Variants in CDH13 observed in about 807,000 individuals in gnomAD.
CDH13 encodes cadherin-13.
CDH13 carries 24 observed loss-of-function variants against 63.8 expected under a neutral mutation model. The ratio of observed to expected loss-of-function variants is 0.38; its 90% CI spans 0.27 to 0.53. The LOEUF (loss-of-function observed/expected upper bound fraction) is 0.53, where lower values mean the gene tolerates loss of function less well. CDH13 is among the 20% of genes least tolerant of loss of function. The pLI, the probability that CDH13 is intolerant of heterozygous loss-of-function variation, is 0.85. For synonymous variants in CDH13, 503 were observed against 355.3 expected (o/e 1.42, Z -4.67); for missense variants, 1,049 against 903.1 (o/e 1.16, Z -2.07).
At chr16:83,191,568 T>C (rs2038716308) in intron 4 of CDH13, among the ~76,000 whole-genome samples, 1 of 133,180 alleles carries the variant, frequency 7.5e-6, no homozygotes, top group Non-Finnish European at 1.6e-5. Flanking sequence ...CACACACACA[T>C]ATATATGAAG....
chr16:83,482,873 C>T (rs369927146), intron 6 of CDH13, among the ~76,000 whole-genome samples: 1 of 152,186 alleles, frequency 6.6e-6, no homozygotes. Context: ...GACCCTTTGT[C>T]CCACATTCTT....
intron 5 of CDH13, among the ~76,000 whole-genome samples, chr16:83,323,814 A>C (rs1282182482): frequency 2.0e-5 from 3 of 152,128 alleles, no homozygotes; most frequent in Non-Finnish European, 4.4e-5. Flanking sequence ...GTTCCTCTTT[A>C]GTACATTCTT....
rs997249457 is a variant in CDH13 at position 83,181,055 on chromosome 16, A to G, written c.484-36290A>G. ...TCGGTATTTCAAATCCATTTTCTCT[A>G]CAGAATGATGTGTTTAAATAAATTG... On this transcript the variant is annotated intron_variant, in intron 4 of 13. Coordinates refer to ENST00000567109, the MANE Select transcript of CDH13 (RefSeq NM_001257.5). 11 of 1,464,132 alleles carry G rather than the reference A, an allele frequency of 7.5e-6. No homozygotes were observed. The African/African-American group carries it at 1.4e-4, about 19-fold the overall frequency. The allele number at this position is 1,464,132 out of a possible 1,614,324, so 90.7% of individuals were successfully genotyped here. A position where few individuals can be genotyped will look rare whatever the true frequency, so the allele number is the denominator to read the frequency against.
chr16:82,931,852 C>T (rs762981265), intron 2 of CDH13, among the ~76,000 whole-genome samples: 42 of 152,118 alleles, frequency 2.8e-4, no homozygotes, highest in Non-Finnish European at 1.9e-4. Flanking sequence ...CCACCTACAA[C>T]ATGTGGGAAT....
At chr16:83,445,214 G>A (rs2072641823) in intron 6 of CDH13, among the ~76,000 whole-genome samples, 1 of 102,614 alleles carries the variant, frequency 9.7e-6, no homozygotes, top group African/African-American at 2.9e-5. Context: ...TTGCAGCTGA[G>A]GAAACTGAGG....
chr16:83,080,872 T>TTTTTTTTTTTG (rs2033189324), intron 3 of CDH13, among the ~76,000 whole-genome samples: 2 of 19,694 alleles, frequency 1.0e-4, no homozygotes, highest in Non-Finnish European at 1.1e-4. Flanking sequence ...TGTTTTTGTG[T>TTTTTTTTTTTG]TTTTTTTTTT....
chr16:83,763,093 G>A (rs1914107624), intron 11 of CDH13, among the ~76,000 whole-genome samples: 1 of 152,272 alleles, frequency 6.6e-6, no homozygotes, highest in South Asian at 2.1e-4. Context: ...AAAAGAACGG[G>A]GGAGTGATGG....
At chr16:83,703,517 C>G (rs1485660084) in intron 10 of CDH13, among the ~76,000 whole-genome samples, 2 of 152,174 alleles carry the variant, frequency 1.3e-5, no homozygotes, top group African/African-American at 4.8e-5. Flanking sequence ...AGTGGGACAT[C>G]CAAGTTGGTA....
chr16:83,761,854 G>A (rs1010060633), intron 11 of CDH13, among the ~76,000 whole-genome samples: 1 of 152,080 alleles, frequency 6.6e-6, no homozygotes, highest in African/African-American at 2.4e-5. Context: ...GTCACTTAAG[G>A]TCAGTAGTTC....
At chr16:83,093,786 C>G (rs1403417024) in intron 3 of CDH13, among the ~76,000 whole-genome samples, 2 of 152,166 alleles carry the variant, frequency 1.3e-5, no homozygotes, top group African/African-American at 2.4e-5. Context: ...TCAAAGAGTT[C>G]TCAGTCGGAA....
intron 8 of CDH13, among the ~76,000 whole-genome samples, chr16:83,663,717 C>T (rs1913663341): frequency 6.6e-6 from 1 of 152,168 alleles, no homozygotes; most frequent in Admixed American, 6.5e-5. Context: ...CAAGTTCTTT[C>T]TGTTCATGGT....
Position 82,842,149 on chromosome 16 carries a change from T to TATACATAC in CDH13, c.46-16210_46-16209insCATACATA, listed in dbSNP as rs1567590582. Among the ~76,000 whole-genome samples the TATACATAC allele has an allele frequency of 3.7e-3, 139 of 37,568 alleles. 2 individuals are homozygous for TATACATAC. The highest frequency in any genetic ancestry group is 8.8e-3 in the African/African-American group (116 of 13,202). The allele number at this position is 37,568 out of a possible 152,430, so 24.6% of individuals were successfully genotyped here. On this transcript the variant is annotated intron_variant, in intron 1 of 13. Transcript: ENST00000567109. Reference sequence around the variant, plus strand: ...ATATATATATATATACACATATATATATATATATATATATACACACACACA... The same window carrying TATACATAC: ...ATATATATATATATACACATATATATATACATACATATATATATATATACACACACACA...
intron 5 of CDH13, among the ~76,000 whole-genome samples, chr16:83,240,717 C>CTTT (rs56753707): frequency 0.27 from 22,178 of 81,198 alleles, 5,944 homozygotes; most frequent in East Asian, 0.57. Flanking sequence ...CTGTCTTAAT[C>CTTT]TTTTTTTTTT....
intron 6 of CDH13, among the ~76,000 whole-genome samples, chr16:83,433,488 G>C (rs1248419734): frequency 3.9e-5 from 6 of 152,216 alleles, no homozygotes; most frequent in African/African-American, 1.2e-4. Context: ...CATGTAAAGA[G>C]CATCATTGTT....
intron 5 of CDH13, among the ~76,000 whole-genome samples, chr16:83,268,057 GACAC>G (rs1375006220): frequency 6.6e-6 from 1 of 152,124 alleles, no homozygotes; most frequent in African/African-American, 2.4e-5. Context: ...GGTGGACACT[GACAC>G]ACACAGGTGT....
At chr16:83,716,164 A>C (rs1908862798) in intron 10 of CDH13, among the ~76,000 whole-genome samples, 1 of 152,142 alleles carries the variant, frequency 6.6e-6, no homozygotes, top group South Asian at 2.1e-4. Flanking sequence ...AGGTACAGGG[A>C]GTTCTCACAT....
intron 4 of CDH13, among the ~76,000 whole-genome samples, chr16:83,208,400 A>C (rs1215560778): frequency 6.6e-6 from 1 of 152,150 alleles, no homozygotes; most frequent in Non-Finnish European, 1.5e-5. Context: ...ATGCTTACAG[A>C]TTACCTTACA....
At chr16:83,204,191 C>T (rs1433127263) in intron 4 of CDH13, among the ~76,000 whole-genome samples, 3 of 152,174 alleles carry the variant, frequency 2.0e-5, no homozygotes, top group African/African-American at 7.2e-5. Flanking sequence ...GTGCTCCTAC[C>T]CAACTCAGGA....
At chr16:83,275,259 T>C (rs143778644) in intron 5 of CDH13, among the ~76,000 whole-genome samples, 1,711 of 149,294 alleles carry the variant, frequency 0.011, 33 homozygotes, top group African/African-American at 0.038. Flanking sequence ...ATTGACATTC[T>C]TTTTTGCTAT....
Sources: gnomAD v4.1 joint callset for allele counts (sites outside exome capture counted in the v4.1 genomes callset) on GRCh38, gnomAD v4.1.1 for gene constraint, MANE v1.5 for transcripts, NCBI Gene and HGNC (gene_info 2026-07-23, HGNC 2026-07-21) for gene names.